The following RAPGEF5 variants were observed in gnomAD, a reference collection of about 807,000 sequenced individuals.
RAPGEF5 encodes Rap guanine nucleotide exchange factor 5.
A neutral mutation model predicts 125.2 loss-of-function variants in RAPGEF5; 65 were observed. That is an observed-to-expected ratio of 0.52 (90% CI 0.43 to 0.64). The LOEUF (loss-of-function observed/expected upper bound fraction) is 0.64. Ranked by LOEUF, RAPGEF5 falls within the 30% of genes least tolerant of loss-of-function variation. The pLI is 0.00. For missense variants in RAPGEF5, 958 were observed against 1,048.1 expected, an observed-to-expected ratio of 0.91 and a Z score of 1.19; for synonymous variants, 391 against 385.9, an observed-to-expected ratio of 1.01 and a Z score of -0.16.
Position 22,167,106 on chromosome 7 carries a change from A to G in RAPGEF5, c.1247T>C (p.Met416Thr). Residue 416 changes from methionine (M) to threonine (T), a missense_variant, in exon 12 of 26, where the codon ATG (methionine) becomes ACG (threonine). By Grantham distance (81) the Met-to-Thr change is moderately conservative. Transcript: ENST00000665637. ...DDFLLTYTVFMTTDDLCQALL... is the reference protein window; with the variant it reads ...DDFLLTYTVFTTTDDLCQALL... ...AGCCTGGCACAAGTCATCAGTTGTCATGAAGACAGTGTACGTGAGAAGGAA... is the reference window on the plus strand; with the variant it reads ...AGCCTGGCACAAGTCATCAGTTGTCGTGAAGACAGTGTACGTGAGAAGGAA... The G allele has an allele frequency of 1.2e-6, 2 of 1,613,420 alleles. No individual in the cohort carries two copies. The highest frequency in any genetic ancestry group is 8.5e-7 in the Non-Finnish European group (1 of 1,179,594).
At chr7:22,164,314 G>A (rs898944438) in intron 12 of RAPGEF5, among the ~76,000 whole-genome samples, 7 of 152,158 alleles carry the variant, frequency 4.6e-5, no homozygotes, top group Admixed American at 3.9e-4. Context: ...CTAGGTAACA[G>A]AGCAAGACCT....
intron 1 of RAPGEF5, among the ~76,000 whole-genome samples, chr7:22,332,622 C>T (rs6958869): frequency 0.062 from 9,482 of 152,192 alleles, 435 homozygotes; most frequent in African/African-American, 0.13. Flanking sequence ...TTATTATGGA[C>T]GAGATTTGAC....
At chr7:22,212,318 T>G (rs1785529650) in intron 9 of RAPGEF5, among the ~76,000 whole-genome samples, 1 of 152,122 alleles carries the variant, frequency 6.6e-6, no homozygotes, top group Non-Finnish European at 1.5e-5. Context: ...CCCTCCTCAC[T>G]TTTCATAGCT....
chr7:22,242,591 T>A (rs1786360572), intron 7 of RAPGEF5, among the ~76,000 whole-genome samples: 1 of 152,092 alleles, frequency 6.6e-6, no homozygotes, highest in Non-Finnish European at 1.5e-5. Context: ...GAATGAGCGA[T>A]CCAAAAGTGG....
chr7:22,290,701 C>T (rs1374233646), intron 6 of RAPGEF5, among the ~76,000 whole-genome samples: 2 of 149,138 alleles, frequency 1.3e-5, no homozygotes, highest in East Asian at 2.0e-4. Context: ...GCCGAGATCC[C>T]GCCGCTGCAC....
intron 6 of RAPGEF5, among the ~76,000 whole-genome samples, chr7:22,273,806 T>C (rs1782497081): frequency 6.6e-6 from 1 of 152,184 alleles, no homozygotes; most frequent in Admixed American, 6.5e-5. Flanking sequence ...TAACAGTGTT[T>C]TTAGGAATAT....
rs1267529090 is a variant in RAPGEF5, at chr7:22,334,794, T to C, written c.232-16757A>G. On this transcript the variant is annotated intron_variant, in intron 1 of 25. Coordinates refer to ENST00000665637, the MANE Select transcript of RAPGEF5 (RefSeq NM_012294.5). ...CCCACAGTCATTCAGTGGGTGAGGG[T>C]CAGGGAAACCCTGGATAGCTGGATC... 3.3e-5 allele frequency among the ~76,000 whole-genome samples: 5 copies of C among 152,226 alleles called. No individual in the cohort carries two copies. The South Asian group carries it at 6.2e-4, about 19-fold the overall frequency.
At chr7:22,246,179 T>G (rs945429683) in intron 7 of RAPGEF5, among the ~76,000 whole-genome samples, 7 of 152,108 alleles carry the variant, frequency 4.6e-5, no homozygotes, top group African/African-American at 1.7e-4. Flanking sequence ...GCAGTGCCAT[T>G]CCTATCAAGC....
At chr7:22,317,259 G>C (rs956893583) in intron 2 of RAPGEF5, among the ~76,000 whole-genome samples, 1 of 82,420 alleles carries the variant, frequency 1.2e-5, no homozygotes, top group Non-Finnish European at 2.4e-5. Flanking sequence ...TTTTTTTTTT[G>C]AGATGGAGTC....
At chr7:22,146,702 G>A (rs1388684814) in intron 19 of RAPGEF5, among the ~76,000 whole-genome samples, 195 bp downstream of exon 19, 2 of 152,104 alleles carry the variant, frequency 1.3e-5, no homozygotes, top group African/African-American at 4.8e-5. Context: ...GCTCACACTA[G>A]GGGCAAATAA....
chr7:22,339,302 C>A (rs1397127681), intron 1 of RAPGEF5, among the ~76,000 whole-genome samples: 1 of 152,222 alleles, frequency 6.6e-6, no homozygotes, highest in East Asian at 1.9e-4. Flanking sequence ...TGCCTTATGC[C>A]TCTCAGTTGA....
chr7:22,180,588 G>GAA (rs1447641726), intron 11 of RAPGEF5, among the ~76,000 whole-genome samples: 1 of 152,156 alleles, frequency 6.6e-6, no homozygotes, highest in African/African-American at 2.4e-5. Flanking sequence ...ACATGAGAGA[G>GAA]AAATACATTT....
intron 6 of RAPGEF5, among the ~76,000 whole-genome samples, chr7:22,284,183 T>C (rs1782744127): frequency 6.6e-6 from 1 of 152,116 alleles, no homozygotes; most frequent in African/African-American, 2.4e-5. Context: ...AATTTTTTAT[T>C]GACAAGCAAT....
intron 19 of RAPGEF5, among the ~76,000 whole-genome samples, chr7:22,146,072 C>G (rs1783431081): frequency 1.3e-5 from 2 of 152,150 alleles, no homozygotes; most frequent in East Asian, 3.9e-4. Context: ...CTTCCAAAGA[C>G]ACAAGTCATT....
chr7:22,345,735 A>G (rs1415200157), intron 1 of RAPGEF5, among the ~76,000 whole-genome samples: 1 of 146,752 alleles, frequency 6.8e-6, no homozygotes, highest in African/African-American at 2.5e-5. Context: ...GTTATGTGCC[A>G]AGAGCAGTGG....
At position 22,184,141 on chromosome 7, in the gene RAPGEF5, T is replaced by C. The variant is rs182184182; in HGVS notation, c.1204+9226A>G. Among the ~76,000 whole-genome samples, 13 of 152,322 alleles carry C rather than the reference T, an allele frequency of 8.5e-5. No homozygotes were observed. The East Asian group carries it at 2.5e-3, about 29-fold the overall frequency. ...CAACTGTAGTTTCCCTTTAGTTAAATATTACAAGTTAATTACCCAATGTCT... is the reference window on the plus strand; with the variant it reads ...CAACTGTAGTTTCCCTTTAGTTAAACATTACAAGTTAATTACCCAATGTCT... On this transcript the variant is annotated intron_variant, in intron 11 of 25. Transcript: ENST00000665637.
intron 17 of RAPGEF5, among the ~76,000 whole-genome samples, chr7:22,150,885 C>T (rs576861329): frequency 2.6e-5 from 4 of 152,288 alleles, no homozygotes; most frequent in African/African-American, 7.2e-5. Flanking sequence ...TATATATATA[C>T]ACACACAAAT....
chr7:22,333,982 G>A (rs1261594979), intron 1 of RAPGEF5, among the ~76,000 whole-genome samples: 3 of 151,494 alleles, frequency 2.0e-5, no homozygotes, highest in African/African-American at 4.9e-5. Context: ...CGGCTGCGCC[G>A]TTGTGCATGG....
chr7:22,267,511 C>A (rs1782311399), intron 6 of RAPGEF5, among the ~76,000 whole-genome samples: 1 of 152,046 alleles, frequency 6.6e-6, no homozygotes, highest in Admixed American at 6.6e-5. Flanking sequence ...TTACAGCAAC[C>A]ATTTTGGATA....
Sources: allele counts gnomAD v4.1 joint callset (sites outside exome capture counted in the v4.1 genomes callset), GRCh38; gene constraint gnomAD v4.1.1; transcripts MANE v1.5; gene names NCBI Gene and HGNC (gene_info 2026-07-23, HGNC 2026-07-21).